The following RYR2 variants were observed in gnomAD, a reference collection of about 807,000 sequenced individuals.
The protein encoded by RYR2 is cardiac muscle ryanodine receptor-calcium release channel.
In RYR2, 227 loss-of-function variants were observed where a neutral mutation model predicts 601.1. The observed-to-expected ratio is 0.38, with a 90% CI of 0.34 to 0.42. The LOEUF (loss-of-function observed/expected upper bound fraction) is 0.42, where lower values mean the gene tolerates loss of function less well. RYR2 is among the 10% of genes least tolerant of loss of function. The pLI, the probability that RYR2 is intolerant of heterozygous loss-of-function variation, is 1.00. For synonymous variants in RYR2, 2,223 were observed against 2,175.1 expected (o/e 1.02, Z -0.61); for missense variants, 4,646 against 6,156.5 (o/e 0.75, Z 8.21).
In RYR2 at chr1:237,593,104, C is replaced by T. The variant is rs555341491; in HGVS notation, c.4276-372C>T. ...GAAGCTTCCCTATGCTTAATGGATT[C>T]GTGGTTTTATTACATACATACACTG... On this transcript the variant is annotated intron_variant, in intron 32 of 104. Transcript: ENST00000366574. Among the ~76,000 whole-genome samples the T allele has an allele frequency of 1.5e-4, 23 of 151,394 alleles. No homozygotes were observed. The South Asian group carries it at 3.3e-3, about 22-fold the overall frequency.
chr1:237,101,855 A>G (rs1366946685), intron 1 of RYR2, among the ~76,000 whole-genome samples: 3 of 152,234 alleles, frequency 2.0e-5, no homozygotes, highest in Non-Finnish European at 4.4e-5. Flanking sequence ...CTATTTATTA[A>G]GTATTTCTTC....
chr1:237,325,300 C>A (rs946014335), intron 2 of RYR2, among the ~76,000 whole-genome samples: 1 of 152,074 alleles, frequency 6.6e-6, no homozygotes, highest in African/African-American at 2.4e-5. Flanking sequence ...ATAGCGTGAA[C>A]CCATTAATGG....
chr1:237,801,177 A>AGTT (rs1659915120), intron 97 of RYR2, among the ~76,000 whole-genome samples: 1 of 151,734 alleles, frequency 6.6e-6, no homozygotes, highest in Non-Finnish European at 1.5e-5. Context: ...GTGCATATGA[A>AGTT]AGTGAGGAAA....
At chr1:237,426,034 G>T (rs1202350400) in intron 12 of RYR2, among the ~76,000 whole-genome samples, 1 of 151,370 alleles carries the variant, frequency 6.6e-6, no homozygotes, top group African/African-American at 2.4e-5. Flanking sequence ...CATTTAGGTT[G>T]TTTCTATAGT....
intron 47 of RYR2, among the ~76,000 whole-genome samples, chr1:237,642,459 TTA>T (rs1228300250): frequency 6.6e-6 from 1 of 152,204 alleles, no homozygotes. Flanking sequence ...ACAATATTTG[TTA>T]TTTTTCCCAT....
At position 237,328,988 on chromosome 1, in the gene RYR2, G is replaced by C. The variant is rs78921845; in HGVS notation, c.169-1890G>C. Among the ~76,000 whole-genome samples, 747 of 152,078 alleles carry C rather than the reference G, an allele frequency of 4.9e-3. 10 individuals are homozygous for C. The highest frequency in any genetic ancestry group is 0.017 in the African/African-American group (705 of 41,448). ...TCCATTGAACATTTGCTTGTACCTG[G>C]TTGGACTGCATACTGGATCCTGCTT... On this transcript the variant is annotated intron_variant, in intron 2 of 104. Transcript: ENST00000366574.
At chr1:237,542,195 G>A (rs1669362595) in intron 25 of RYR2, among the ~76,000 whole-genome samples, 1 of 152,092 alleles carries the variant, frequency 6.6e-6, no homozygotes, top group Admixed American at 6.6e-5. Flanking sequence ...CCGGGTTCAA[G>A]CGATTCTCCT....
At chr1:237,827,130 G>C (rs995566299) in intron 101 of RYR2, among the ~76,000 whole-genome samples, 1 of 152,118 alleles carries the variant, frequency 6.6e-6, no homozygotes, top group Admixed American at 6.6e-5. Flanking sequence ...AAATACCATG[G>C]ACAAGCTTAA....
chr1:237,139,681 T>C (rs1453176477), intron 1 of RYR2, among the ~76,000 whole-genome samples: 1 of 152,228 alleles, frequency 6.6e-6, no homozygotes, highest in African/African-American at 2.4e-5. Context: ...TCTTCTACAC[T>C]GTTTATGACT....
intron 96 of RYR2, among the ~76,000 whole-genome samples, chr1:237,795,926 G>GTGTGTACATATGTATGTGTGCATA (rs1233222362): frequency 3.2e-5 from 1 of 31,324 alleles, no homozygotes; most frequent in Non-Finnish European, 1.0e-4. Flanking sequence ...GCACGCGTAT[G>GTGTGTACATATGTATGTGTGCATA]TGTGTACATA....
At chr1:237,520,383 A>G (rs1279499142) in intron 24 of RYR2, among the ~76,000 whole-genome samples, 1 of 152,128 alleles carries the variant, frequency 6.6e-6, no homozygotes, top group Non-Finnish European at 1.5e-5. Flanking sequence ...GTTTTGTTCC[A>G]GTTCTTACAG....
intron 11 of RYR2, among the ~76,000 whole-genome samples, chr1:237,421,042 C>A (rs1443145512): frequency 6.6e-6 from 1 of 152,154 alleles, no homozygotes; most frequent in Non-Finnish European, 1.5e-5. Flanking sequence ...AGATCGAGAC[C>A]ATCCTGGCTA....
At chr1:237,487,213 T>C (rs1662774913) in intron 17 of RYR2, among the ~76,000 whole-genome samples, 2 of 152,184 alleles carry the variant, frequency 1.3e-5, no homozygotes, top group Non-Finnish European at 1.5e-5. Context: ...ATTGATATTA[T>C]AATCTTCATT....
At chr1:237,643,642 T>A (rs903572910) in intron 48 of RYR2, among the ~76,000 whole-genome samples, 195 bp downstream of exon 48, 1 of 150,418 alleles carries the variant, frequency 6.6e-6, no homozygotes, top group Non-Finnish European at 1.5e-5. Flanking sequence ...AATTAGAGCC[T>A]TGCTCTGTAG....
chr1:237,156,408 G>A lies in RYR2; in HGVS notation c.48+113839G>A, dbSNP rs371810940. 7.2e-5 allele frequency among the ~76,000 whole-genome samples: 11 copies of A among 152,282 alleles called. No homozygotes were observed. The East Asian group carries it at 1.2e-3, about 16-fold the overall frequency. ...AAACATGTTACACTTACCTCCTGGA[G>A]GTTTTACAATGCATATTAGTAAAGA... On this transcript the variant is annotated intron_variant, in intron 1 of 104. Transcript: ENST00000366574.
At chr1:237,459,323 G>A (rs1659202873) in intron 16 of RYR2, among the ~76,000 whole-genome samples, 1 of 152,176 alleles carries the variant, frequency 6.6e-6, no homozygotes, top group Non-Finnish European at 1.5e-5. Flanking sequence ...ATTGGCTCAT[G>A]TGTGTAGTCC....
rs1355964911 is a variant in RYR2, at chr1:237,380,408, A to C, written c.576+2973A>C. On this transcript the variant is annotated intron_variant, in intron 8 of 104. Coordinates refer to ENST00000366574, the MANE Select transcript of RYR2 (RefSeq NM_001035.3). The stretch of plus-strand genomic sequence containing the variant: ...TATATATATATATATATATATATAT[A>C]TATATATATATATAGTAAATACGAA... Among the ~76,000 whole-genome samples, 5 of 39,956 alleles carry C rather than the reference A, an allele frequency of 1.3e-4. 1 individual carries two copies. The South Asian group carries it at 2.6e-3, about 21-fold the overall frequency. 26.2% of individuals were successfully genotyped at this position (39,956 alleles called of 152,430 possible).
chr1:237,092,990 T>C (rs911534783), intron 1 of RYR2, among the ~76,000 whole-genome samples: 6 of 152,208 alleles, frequency 3.9e-5, no homozygotes, highest in African/African-American at 1.4e-4. Flanking sequence ...ATGGGTGCTC[T>C]GTGACAGTGC....
intron 1 of RYR2, among the ~76,000 whole-genome samples, chr1:237,077,361 G>A: frequency 8.3e-6 from 1 of 120,158 alleles, no homozygotes; most frequent in Non-Finnish European, 1.8e-5. Context: ...ACCCATCAGT[G>A]TGCTGTATTC....
Sources: gnomAD v4.1 joint callset for allele counts (sites outside exome capture counted in the v4.1 genomes callset) on GRCh38, gnomAD v4.1.1 for gene constraint, MANE v1.5 for transcripts, NCBI Gene and HGNC (gene_info 2026-07-23, HGNC 2026-07-21) for gene names.